PDE4D: variants seen among roughly 807,000 people sequenced by gnomAD.
PDE4D encodes phosphodiesterase 4D, also known as 3',5'-cyclic-AMP phosphodiesterase 4D.
PDE4D carries 24 observed loss-of-function variants against 87.4 expected under a neutral mutation model. That is an observed-to-expected ratio of 0.27 (90% CI 0.20 to 0.39). PDE4D has a LOEUF of 0.39. PDE4D is among the 10% of genes least tolerant of loss of function. PDE4D has a pLI of 1.00. For missense variants in PDE4D, 714 were observed against 1,041.0 expected, an observed-to-expected ratio of 0.69 and a Z score of 4.32; for synonymous variants, 384 against 383.2, an observed-to-expected ratio of 1.00 and a Z score of -0.02.
At chr5:60,468,971 TG>T (rs1747609955) in intron 1 of PDE4D, among the ~76,000 whole-genome samples, 1 of 152,216 alleles carries the variant, frequency 6.6e-6, no homozygotes, top group African/African-American at 2.4e-5. Context: ...ACCTCCTGGA[TG>T]ACCAAGACAA....
chr5:59,574,506 G>A (rs760749266), intron 1 of PDE4D, among the ~76,000 whole-genome samples: 2 of 152,018 alleles, frequency 1.3e-5, no homozygotes, highest in Admixed American at 6.6e-5. Context: ...CTCATAAAAG[G>A]TGATTTGCTC....
At position 59,567,535 on chromosome 5, in the gene PDE4D, T is replaced by C. The variant is rs1023742588; in HGVS notation, c.455+325633A>G. ...CATGTCCCAAGTTAACTGCAAACAATATAAAGTTGACTATATCAATTTTTA... is the reference window on the plus strand; with the variant it reads ...CATGTCCCAAGTTAACTGCAAACAACATAAAGTTGACTATATCAATTTTTA... On this transcript the variant is annotated intron_variant, in intron 1 of 14. Coordinates refer to ENST00000340635, the MANE Select transcript of PDE4D (RefSeq NM_001104631.2). Among the ~76,000 whole-genome samples the C allele has an allele frequency of 7.9e-5, 12 of 152,312 alleles. No individual in the cohort carries two copies. The East Asian group carries it at 2.1e-3, about 27-fold the overall frequency.
chr5:59,106,937 C>A (rs1380335554), intron 5 of PDE4D, among the ~76,000 whole-genome samples: 1 of 152,062 alleles, frequency 6.6e-6, no homozygotes. Flanking sequence ...CTTTTTTTCT[C>A]CAATAGTTTT....
At chr5:59,232,102 G>A (rs1755340560) in intron 1 of PDE4D, among the ~76,000 whole-genome samples, 1 of 152,072 alleles carries the variant, frequency 6.6e-6, no homozygotes, top group South Asian at 2.1e-4. Context: ...GATTTCAGAA[G>A]TACCAGATCG....
At chr5:59,496,333 G>A (rs1017377839) in intron 1 of PDE4D, among the ~76,000 whole-genome samples, 39 of 152,122 alleles carry the variant, frequency 2.6e-4, no homozygotes, top group Non-Finnish European at 3.8e-4. Flanking sequence ...GCACAGGATG[G>A]TAGGGGGCAT....
At chr5:59,932,611 T>A (rs1385066821) in intron 3 of PDE4D, among the ~76,000 whole-genome samples, 2 of 152,268 alleles carry the variant, frequency 1.3e-5, no homozygotes, top group East Asian at 3.9e-4. Context: ...CATCACACTG[T>A]AAAGACCTCC....
At chr5:59,746,534 C>T (rs1759631621) in intron 1 of PDE4D, among the ~76,000 whole-genome samples, 1 of 152,152 alleles carries the variant, frequency 6.6e-6, no homozygotes. Flanking sequence ...GTCTTGAATA[C>T]ACAACCGTCA....
intron 3 of PDE4D, among the ~76,000 whole-genome samples, chr5:59,190,376 T>C (rs1356182473): frequency 6.6e-6 from 1 of 152,136 alleles, no homozygotes; most frequent in Non-Finnish European, 1.5e-5. Flanking sequence ...AAAGTTTTTG[T>C]TTTGTTTTGT....
At chr5:59,025,024 CAA>C (rs35260023) in intron 6 of PDE4D, among the ~76,000 whole-genome samples, 6 of 141,910 alleles carry the variant, frequency 4.2e-5, no homozygotes, top group Non-Finnish European at 4.6e-5. Flanking sequence ...CCAAAGTGGT[CAA>C]AAAAAAAAAA....
At chr5:59,343,747 T>C (rs1467267738) in intron 1 of PDE4D, among the ~76,000 whole-genome samples, 1 of 152,226 alleles carries the variant, frequency 6.6e-6, no homozygotes, top group African/African-American at 2.4e-5. Context: ...ACCTCCATAA[T>C]GTTATTTCTG....
At chr5:59,652,742 A>G (rs751559308) in intron 1 of PDE4D, among the ~76,000 whole-genome samples, 3 of 151,478 alleles carry the variant, frequency 2.0e-5, no homozygotes, top group African/African-American at 4.8e-5. Flanking sequence ...AAATCTCAAT[A>G]CTTTCACTAA....
chr5:59,959,132 A>AC (rs1759189166), intron 3 of PDE4D, among the ~76,000 whole-genome samples: 2 of 151,494 alleles, frequency 1.3e-5, no homozygotes, highest in Admixed American at 1.3e-4. Context: ...ACACACACAC[A>AC]AATACCTAGG....
At chr5:59,712,778 G>C (rs1021446584) in intron 1 of PDE4D, among the ~76,000 whole-genome samples, 7 of 152,082 alleles carry the variant, frequency 4.6e-5, no homozygotes, top group African/African-American at 1.7e-4. Flanking sequence ...AGGGGCCCAA[G>C]ATTTATGTTT....
At chr5:59,494,124 C>T (rs1451653738) in intron 1 of PDE4D, among the ~76,000 whole-genome samples, 1 of 152,174 alleles carries the variant, frequency 6.6e-6, no homozygotes, top group Non-Finnish European at 1.5e-5. Context: ...CAATGCAACT[C>T]AGGGAGACAG....
At chr5:59,635,280 T>A (rs1480525239) in intron 1 of PDE4D, among the ~76,000 whole-genome samples, 1 of 152,150 alleles carries the variant, frequency 6.6e-6, no homozygotes. Context: ...CAGGACCAGA[T>A]GAATTCACAG....
At chr5:59,919,959 A>T (rs936506172) in intron 3 of PDE4D, among the ~76,000 whole-genome samples, 13 of 152,308 alleles carry the variant, frequency 8.5e-5, no homozygotes, top group African/African-American at 3.1e-4. Flanking sequence ...GTACATGGTA[A>T]ATTTTAATTA....
chr5:59,682,717 A>G (rs1195097237), intron 1 of PDE4D, among the ~76,000 whole-genome samples: 1 of 152,158 alleles, frequency 6.6e-6, no homozygotes, highest in East Asian at 1.9e-4. Flanking sequence ...GATCCTCACC[A>G]GACAGAAAAT....
chr5:60,441,989 G>T (rs183835796), intron 1 of PDE4D, among the ~76,000 whole-genome samples: 1 of 152,270 alleles, frequency 6.6e-6, no homozygotes, highest in African/African-American at 2.4e-5. Context: ...TACACTGTTG[G>T]TGGGAGTGTA....
chr5:59,054,122 T>C (rs934187735), intron 5 of PDE4D, among the ~76,000 whole-genome samples: 50 of 152,304 alleles, frequency 3.3e-4, no homozygotes, highest in African/African-American at 1.1e-3. Context: ...CCAATAATTA[T>C]ACCTGTCCAC....
Sources: gnomAD v4.1 joint callset for allele counts (sites outside exome capture counted in the v4.1 genomes callset) on GRCh38, gnomAD v4.1.1 for gene constraint, MANE v1.5 for transcripts, NCBI Gene and HGNC (gene_info 2026-07-23, HGNC 2026-07-21) for gene names.